The following SCUBE1 variants were observed in gnomAD, a reference collection of about 807,000 sequenced individuals.
The protein encoded by SCUBE1 is signal peptide, CUB and EGF-like domain-containing protein 1.
A neutral mutation model predicts 124.4 loss-of-function variants in SCUBE1; 59 were observed. The observed-to-expected ratio is 0.47, with a 90% CI of 0.38 to 0.59. SCUBE1 has a LOEUF of 0.59. SCUBE1 is among the 20% of genes least tolerant of loss of function. The pLI, the probability that SCUBE1 is intolerant of heterozygous loss-of-function variation, is 0.00. For missense variants in SCUBE1, 1,150 were observed against 1,371.2 expected, an observed-to-expected ratio of 0.84 and a Z score of 2.55; for synonymous variants, 545 against 550.9, an observed-to-expected ratio of 0.99 and a Z score of 0.15.
At chr22:43,322,144 C>A (rs1213100549) in intron 2 of SCUBE1, among the ~76,000 whole-genome samples, 3 of 152,060 alleles carry the variant, frequency 2.0e-5, no homozygotes, top group African/African-American at 7.3e-5. Context: ...CCACCATGCC[C>A]GGCTAATTTT....
chr22:43,213,905 G>A (rs895277811), intron 16 of SCUBE1, among the ~76,000 whole-genome samples, 185 bp downstream of exon 16: 2 of 152,198 alleles, frequency 1.3e-5, no homozygotes, highest in African/African-American at 4.8e-5. Context: ...GATCTGTCAC[G>A]CACTTTGTAA....
In SCUBE1 at chr22:43,210,919, C is replaced by T. The variant is rs1373625054; in HGVS notation, c.2383+3G>A. On this transcript the variant is annotated splice_donor_region_variant and intron_variant, in intron 18 of 21. Transcript: ENST00000360835. The surrounding 1 kb of genome is among the most constrained non-coding windows in gnomAD (Gnocchi z 4.5). ...CTTCCCACGGCAGAGCAGCAGCACC[C>T]ACTTTTGCAGTGTGTGACGTTGGTG... is the stretch of plus-strand genomic sequence containing the variant. 4 of 1,614,004 alleles carry T rather than the reference C, an allele frequency of 2.5e-6. No homozygotes were observed. Among genetic ancestry groups the T allele is most frequent in the Non-Finnish European group, 3.4e-6 (4 of 1,179,960 alleles).
intron 20 of SCUBE1, 72 bp downstream of exon 20, chr22:43,208,000 G>A: frequency 6.5e-7 from 1 of 1,550,312 alleles, no homozygotes; most frequent in Non-Finnish European, 8.9e-7. Flanking sequence ...GCGGGGACGT[G>A]CGACTCATCT....
intron 6 of SCUBE1, among the ~76,000 whole-genome samples, chr22:43,248,444 G>A (rs537801944): frequency 2.5e-4 from 38 of 152,336 alleles, no homozygotes; most frequent in Admixed American, 1.8e-3. Context: ...TCCGCACAGC[G>A]GAGTCGCCAT....
At position 43,223,118 on chromosome 22, in the gene SCUBE1, C is replaced by G; in HGVS notation, c.1306G>C (p.Ala436Pro). 1 of 1,551,774 alleles carries G rather than the reference C, an allele frequency of 6.4e-7. No homozygotes were observed. ...TTACCTGGCACGAAGAGTGTGTGAG[C>G]CGGGCAGGAAAGGAAGCAGCTCTCC... is the stretch of plus-strand genomic sequence containing the variant. ...GVESCFLSCP[A>P]HTLFVPDSEN... The change falls in exon 11 of 22, where the codon GCT becomes CCT. Residue 436 changes from alanine to proline, a missense_variant. Physicochemically the swap from Ala to Pro is conservative, Grantham distance 27 (BLOSUM62 -1). Around this residue, in one of 3 missense-constraint regions of SCUBE1, gnomAD observed 757 missense variants for 840.9 expected, o/e 0.90. Coordinates refer to ENST00000360835, the MANE Select transcript of SCUBE1 (RefSeq NM_173050.5).
chr22:43,280,055 C>T (rs1022427148), intron 4 of SCUBE1, among the ~76,000 whole-genome samples: 19 of 152,190 alleles, frequency 1.2e-4, no homozygotes, highest in African/African-American at 4.6e-4. Context: ...CTGAGCCAGC[C>T]AGTCAGGAGG....
chr22:43,225,894 C>T (rs1394119506), intron 10 of SCUBE1, among the ~76,000 whole-genome samples: 1 of 152,006 alleles, frequency 6.6e-6, no homozygotes, highest in East Asian at 1.9e-4. Flanking sequence ...GACGGAGATC[C>T]CCTCATGCTG....
chr22:43,311,939 AG>A (rs1473554460), intron 3 of SCUBE1, among the ~76,000 whole-genome samples: 1 of 152,168 alleles, frequency 6.6e-6, no homozygotes, highest in Non-Finnish European at 1.5e-5. Flanking sequence ...AGTAAGACTT[AG>A]GCAAAAGGTG....
chr22:43,215,403 T>A (rs1364589406), intron 15 of SCUBE1, among the ~76,000 whole-genome samples: 1 of 152,190 alleles, frequency 6.6e-6, no homozygotes, highest in Non-Finnish European at 1.5e-5. Flanking sequence ...CAGGAGAATG[T>A]GACTAGTGAG....
chr22:43,292,556 A>AACACACAC (rs3985926), intron 3 of SCUBE1, among the ~76,000 whole-genome samples: 20,713 of 139,464 alleles, frequency 0.15, 1,649 homozygotes, highest in East Asian at 0.18. Context: ...CCCGGTCCCT[A>AACACACAC]ACACACACAC....
chr22:43,296,697 C>T (rs1176769527), intron 3 of SCUBE1, among the ~76,000 whole-genome samples: 1 of 152,254 alleles, frequency 6.6e-6, no homozygotes, highest in Admixed American at 6.5e-5. Context: ...TGGTCCACAG[C>T]CTCTTTTGAT....
intron 14 of SCUBE1, among the ~76,000 whole-genome samples, chr22:43,219,063 C>T (rs1921965865): frequency 6.6e-6 from 1 of 152,236 alleles, no homozygotes; most frequent in Admixed American, 6.5e-5. Context: ...GGCACCTCTT[C>T]TGGGAAAGCT....
rs550109298 is a variant in SCUBE1, at chr22:43,212,646, G to A, written c.2054-54C>T. On this transcript the variant is annotated intron_variant, in intron 16 of 21. Coordinates refer to ENST00000360835, the MANE Select transcript of SCUBE1 (RefSeq NM_173050.5). Reference sequence around the variant, plus strand: ...GGCAGGAGGGCACCGCAGGGCCGAGGCTGTGGGTGGTCTCAGGCCCCGCTC... The same window carrying A: ...GGCAGGAGGGCACCGCAGGGCCGAGACTGTGGGTGGTCTCAGGCCCCGCTC... The A allele has an allele frequency of 1.2e-3, 1,902 of 1,523,212 alleles. 3 individuals carry two copies. Among genetic ancestry groups the A allele is most frequent in the Non-Finnish European group, 1.3e-3 (1,436 of 1,134,090 alleles). 94.4% of individuals were successfully genotyped at this position (1,523,212 alleles called of 1,614,324 possible). A position where few individuals can be genotyped will look rare whatever the true frequency, so the allele number is the denominator to read the frequency against.
At chr22:43,335,505 C>G (rs996045466) in intron 2 of SCUBE1, among the ~76,000 whole-genome samples, 3 of 152,210 alleles carry the variant, frequency 2.0e-5, no homozygotes, top group African/African-American at 7.2e-5. Context: ...TGTTCTCATA[C>G]TGTTAACATG....
intron 2 of SCUBE1, among the ~76,000 whole-genome samples, chr22:43,325,905 A>G (rs906689534): frequency 4.0e-5 from 6 of 151,408 alleles, no homozygotes; most frequent in Non-Finnish European, 7.4e-5. Context: ...CCAGCAACGC[A>G]GGTTTGGAAC....
chr22:43,305,242 A>C (rs964843411), intron 3 of SCUBE1, among the ~76,000 whole-genome samples: 1 of 152,124 alleles, frequency 6.6e-6, no homozygotes, highest in Non-Finnish European at 1.5e-5. Context: ...GGACATGAAA[A>C]CGCTTGCTCT....
chr22:43,229,263 A>T, intron 8 of SCUBE1, 75 bp from the exon 9 acceptor site: 1 of 1,009,770 alleles, frequency 9.9e-7, no homozygotes, highest in Middle Eastern at 2.0e-4. Flanking sequence ...TGTCACTCTC[A>T]GTCACTCAAG....
intron 4 of SCUBE1, among the ~76,000 whole-genome samples, chr22:43,285,078 C>G (rs979517312): frequency 1.3e-5 from 2 of 152,192 alleles, no homozygotes; most frequent in Admixed American, 1.3e-4. Flanking sequence ...GCCCCACGGC[C>G]TGTTCCAGTG....
chr22:43,269,042 G>A (rs995411656), intron 4 of SCUBE1, among the ~76,000 whole-genome samples: 22 of 152,094 alleles, frequency 1.4e-4, no homozygotes, highest in Admixed American at 1.3e-3. Context: ...CTTGGGCCCC[G>A]GCTATACTTT....
Sources: allele counts gnomAD v4.1 joint callset (sites outside exome capture counted in the v4.1 genomes callset), GRCh38; gene constraint gnomAD v4.1.1; regional missense constraint gnomAD v4.1.1; non-coding constraint Gnocchi (gnomAD v3.1); transcripts MANE v1.5; gene names NCBI Gene and HGNC (gene_info 2026-07-23, HGNC 2026-07-21).